The following NELL2 variants were observed in gnomAD, a reference collection of about 807,000 sequenced individuals.
NELL2 encodes the protein protein kinase C-binding protein NELL2.
In NELL2, 41 loss-of-function variants were observed where a neutral mutation model predicts 109.6. The observed-to-expected ratio is 0.37, with a 90% CI of 0.29 to 0.49. NELL2 has a LOEUF of 0.49. NELL2 is among the 20% of genes least tolerant of loss of function. The probability of loss-of-function intolerance (pLI) is 0.98; values close to 1 mark genes in which losing one functional copy is unlikely to be tolerated. For missense variants in NELL2, 900 were observed against 1,008.3 expected (o/e 0.89, Z 1.45); for synonymous variants, 355 against 344.7 (o/e 1.03, Z -0.33).
intron 13 of NELL2, among the ~76,000 whole-genome samples, chr12:44,642,265 C>T (rs779048643): frequency 6.6e-6 from 1 of 152,064 alleles, no homozygotes; most frequent in African/African-American, 2.4e-5. Flanking sequence ...GTTGAAAACA[C>T]TCATTAGGAA....
At chr12:44,907,989 T>A (rs975412239) in intron 1 of NELL2, among the ~76,000 whole-genome samples, 1 of 151,990 alleles carries the variant, frequency 6.6e-6, no homozygotes, top group African/African-American at 2.4e-5. Flanking sequence ...AAGAATGATG[T>A]CTTCTGGTTG....
At chr12:44,622,051 A>T (rs1303483169) in intron 13 of NELL2, among the ~76,000 whole-genome samples, 1 of 152,142 alleles carries the variant, frequency 6.6e-6, no homozygotes, top group Non-Finnish European at 1.5e-5. Context: ...GAACCCTCAC[A>T]TCTTGCCGTT....
intron 2 of NELL2, among the ~76,000 whole-genome samples, chr12:44,853,977 T>A (rs1052731593): frequency 2.0e-5 from 3 of 152,144 alleles, no homozygotes; most frequent in Non-Finnish European, 2.9e-5. Flanking sequence ...TAACAATCCA[T>A]CAGTCTCCAG....
intron 2 of NELL2, among the ~76,000 whole-genome samples, chr12:44,867,745 A>T (rs926791230): frequency 3.3e-5 from 5 of 152,164 alleles, no homozygotes; most frequent in African/African-American, 1.2e-4. Flanking sequence ...GCCACCAAAA[A>T]ATTGTCAGAA....
chr12:44,790,726 T>C (rs371309668), intron 3 of NELL2, among the ~76,000 whole-genome samples: 156 of 152,032 alleles, frequency 1.0e-3, no homozygotes, highest in South Asian at 9.3e-3. Flanking sequence ...AACCGTAGAA[T>C]GGATAAGAAC....
chr12:44,680,315 A>G (rs1408163414), intron 12 of NELL2, among the ~76,000 whole-genome samples: 1 of 152,108 alleles, frequency 6.6e-6, no homozygotes, highest in Non-Finnish European at 1.5e-5. Context: ...GTTGATTAGG[A>G]AGTAGGACCT....
intron 9 of NELL2, among the ~76,000 whole-genome samples, chr12:44,772,785 CT>C (rs1320787306): frequency 1.3e-4 from 19 of 149,354 alleles, no homozygotes; most frequent in Admixed American, 2.7e-4. Flanking sequence ...GGGCCTATGG[CT>C]TTTTTTTTTC....
intron 15 of NELL2, among the ~76,000 whole-genome samples, chr12:44,558,088 G>A (rs192196950): frequency 1.3e-5 from 2 of 152,148 alleles, no homozygotes; most frequent in African/African-American, 2.4e-5. Flanking sequence ...GGAAAGGAGA[G>A]GGCTACGTTG....
intron 13 of NELL2, among the ~76,000 whole-genome samples, chr12:44,657,682 A>G (rs960745925): frequency 6.6e-6 from 1 of 151,806 alleles, no homozygotes; most frequent in Non-Finnish European, 1.5e-5. Context: ...CCCTGTGTCT[A>G]TGTTTTCTCA....
chr12:44,849,318 T>C (rs1250624077), intron 2 of NELL2, among the ~76,000 whole-genome samples: 2 of 151,978 alleles, frequency 1.3e-5, no homozygotes, highest in Admixed American at 6.6e-5. Context: ...TCATAATAAA[T>C]GAAAAAATCC....
intron 9 of NELL2, among the ~76,000 whole-genome samples, chr12:44,740,345 C>A (rs1939886322): frequency 6.6e-6 from 1 of 152,076 alleles, no homozygotes; most frequent in Admixed American, 6.6e-5. Context: ...TATACCAGCA[C>A]ACAGAGGAGG....
At chr12:44,625,171 C>T (rs1592227433) in intron 13 of NELL2, among the ~76,000 whole-genome samples, 1 of 151,708 alleles carries the variant, frequency 6.6e-6, no homozygotes, top group Admixed American at 6.6e-5. Context: ...GCATATTTGC[C>T]TAAACTGTTT....
At chr12:44,902,341 T>G (rs1204084668) in intron 1 of NELL2, among the ~76,000 whole-genome samples, 1 of 152,002 alleles carries the variant, frequency 6.6e-6, no homozygotes, top group East Asian at 1.9e-4. Flanking sequence ...ATGCAACTTA[T>G]GAGGGATGTG....
chr12:44,708,530 G>T (rs2136430091), intron 11 of NELL2, among the ~76,000 whole-genome samples: 1 of 152,296 alleles, frequency 6.6e-6, no homozygotes, highest in Non-Finnish European at 1.5e-5. Flanking sequence ...AAATGAATTT[G>T]TCACAACATA....
At chr12:44,683,513 T>G (rs1948602474) in intron 12 of NELL2, among the ~76,000 whole-genome samples, 1 of 152,032 alleles carries the variant, frequency 6.6e-6, no homozygotes, top group Non-Finnish European at 1.5e-5. Flanking sequence ...TCAAAGGGAA[T>G]GCTTCCAGTT....
chr12:44,683,063 C>A (rs1398983005), intron 12 of NELL2, among the ~76,000 whole-genome samples: 3 of 152,120 alleles, frequency 2.0e-5, no homozygotes, highest in Admixed American at 2.0e-4. Flanking sequence ...ATGGAATGTT[C>A]CTCCATTTGT....
intron 12 of NELL2, among the ~76,000 whole-genome samples, chr12:44,677,815 A>G (rs1475547476): frequency 6.6e-6 from 1 of 152,092 alleles, no homozygotes; most frequent in East Asian, 1.9e-4. Flanking sequence ...TAACTAAACA[A>G]CTGGGTGGGT....
chr12:44,823,144 A>T (rs1266481493), intron 2 of NELL2, among the ~76,000 whole-genome samples: 2 of 152,284 alleles, frequency 1.3e-5, no homozygotes, highest in African/African-American at 4.8e-5. Flanking sequence ...TTAAAATTGT[A>T]TATATTTAAT....
chr12:44,680,551 G>A (rs1846436732), intron 12 of NELL2, among the ~76,000 whole-genome samples: 2 of 152,082 alleles, frequency 1.3e-5, no homozygotes, highest in East Asian at 1.9e-4. Flanking sequence ...AAATCCCAGG[G>A]ATCTATTTTT....
Sources: gnomAD v4.1 joint callset for allele counts (sites outside exome capture counted in the v4.1 genomes callset) on GRCh38, gnomAD v4.1.1 for gene constraint, MANE v1.5 for transcripts, NCBI Gene and HGNC (gene_info 2026-07-23, HGNC 2026-07-21) for gene names.